G6PC1: variants seen among roughly 807,000 people sequenced by gnomAD.
G6PC1 encodes the protein G-6-Pase.
Under a neutral mutation model 30.4 loss-of-function variants are expected in G6PC1, and 23 were observed. The ratio of observed to expected loss-of-function variants is 0.76; its 90% CI spans 0.55 to 1.07. G6PC1 has a LOEUF of 1.07. Among genes scored for constraint, G6PC1 ranks in the 50% least tolerant of loss-of-function variants. The pLI, the probability that G6PC1 is intolerant of heterozygous loss-of-function variation, is 0.00. For synonymous variants in G6PC1, 163 were observed against 175.6 expected (o/e 0.93, Z 0.57); for missense variants, 391 against 433.9 (o/e 0.90, Z 0.88).
At chr17:42,905,204 C>T (rs1027390385) in intron 2 of G6PC1, among the ~76,000 whole-genome samples, 2 of 151,928 alleles carry the variant, frequency 1.3e-5, no homozygotes, top group Non-Finnish European at 2.9e-5. Context: ...GCGGGTGGAT[C>T]ACCTGAGGTG....
At chr17:42,905,449 C>T (rs535230780) in intron 2 of G6PC1, among the ~76,000 whole-genome samples, 97 of 127,648 alleles carry the variant, frequency 7.6e-4, no homozygotes, top group African/African-American at 2.6e-3. Context: ...TATATACACA[C>T]ACACACACAC....
rs1485038937 is a variant in G6PC1, at chr17:42,909,416, C to G, written c.560C>G (p.Ser187Ter). ...FPHQVVAGVLSGIAVAETFSH... is the reference protein window; with the variant it reads ...FPHQVVAGVL Reference sequence around the variant, plus strand: ...CATCAAGTTGTTGCTGGAGTCCTGTCAGGTATGGGCTGATCTGACTCCCTT... The same window carrying G: ...CATCAAGTTGTTGCTGGAGTCCTGTGAGGTATGGGCTGATCTGACTCCCTT... The change falls in exon 4 of 5, where the codon TCA becomes TGA. Residue 187 changes from serine (S) to a stop codon, truncating the protein, a stop_gained and splice_region_variant. Transcript: ENST00000253801. LOFTEE classifies it low-confidence loss of function (END_TRUNC). 6 of 1,608,924 alleles carry G rather than the reference C, an allele frequency of 3.7e-6. No homozygotes were observed. The highest frequency in any genetic ancestry group is 4.3e-6 in the Non-Finnish European group (5 of 1,175,244).
At chr17:42,904,244 G>A in intron 2 of G6PC1, 1 of 565,524 alleles carries the variant, frequency 1.8e-6, no homozygotes. Flanking sequence ...GAACCTGGAT[G>A]GAGTCCAGAG....
rs2056020801 is a variant in G6PC1, at chr17:42,900,882, G to A, written c.6G>A (p.Glu2=). M[E]EGMNVLHDFG... ...GAGGTGCCAAGGAAATGAGGATGGA[G>A]GAAGGAATGAATGTTCTCCATGACT... is the stretch of plus-strand genomic sequence containing the variant. The change falls in exon 1 of 5, where the codon GAG becomes GAA. Residue 2 remains glutamate (E), a synonymous_variant. Transcript: ENST00000253801. The A allele has an allele frequency of 1.2e-6, 2 of 1,613,510 alleles. No individual in the cohort carries two copies. Among genetic ancestry groups the A allele is most frequent in the African/African-American group, 2.7e-5 (2 of 74,910 alleles).
In G6PC1 at chr17:42,909,377, C is replaced by T; in HGVS notation, c.521C>T (p.Ala174Val). ...GTCTGTCTGTCACGAATCTACCTTG[C>T]TGCTCATTTTCCTCATCAAGTTGTT... ...LNVCLSRIYL[A>V]AHFPHQVVAG... Residue 174 changes from alanine to valine, a missense_variant, in exon 4 of 5, where the codon GCT becomes GTT. Ala to Val is a moderately conservative substitution (Grantham distance 64). Transcript: ENST00000253801. The T allele has an allele frequency of 6.2e-7, 1 of 1,614,146 alleles. No individual in the cohort carries two copies. The highest frequency in any genetic ancestry group is 8.5e-7 in the Non-Finnish European group (1 of 1,180,022).
In G6PC1 at chr17:42,911,054, C is replaced by G. The variant is rs1356828030; in HGVS notation, c.702C>G (p.Leu234=). The G allele has an allele frequency of 2.5e-6, 4 of 1,614,016 alleles. No individual in the cohort carries two copies. Among genetic ancestry groups the G allele is most frequent in the Non-Finnish European group, 3.4e-6 (4 of 1,179,998 alleles). Reference sequence around the variant, plus strand: ...TGCTCAAGGGACTGGGTGTAGACCTCCTGTGGACTCTGGAGAAAGCCCAGA... The same window carrying G: ...TGCTCAAGGGACTGGGTGTAGACCTGCTGTGGACTCTGGAGAAAGCCCAGA... ...YLLLKGLGVD[L]LWTLEKAQRW... The change falls in exon 5 of 5, where the codon CTC becomes CTG. Residue 234 remains leucine, a synonymous_variant. Transcript: ENST00000253801.
At chr17:42,909,870 T>TG (rs1316465260) in intron 4 of G6PC1, among the ~76,000 whole-genome samples, 3 of 150,116 alleles carry the variant, frequency 2.0e-5, no homozygotes, top group East Asian at 1.9e-4. Context: ...TTTTTTTTGT[T>TG]TTTTTTTTTT....
Position 42,911,170 on chromosome 17 carries a change from T to C in G6PC1, c.818T>C (p.Leu273Pro). 1 of 1,614,154 alleles carries C rather than the reference T, an allele frequency of 6.2e-7. No individual in the cohort carries two copies. Among genetic ancestry groups the C allele is most frequent in the Non-Finnish European group, 8.5e-7 (1 of 1,180,024 alleles). The stretch of plus-strand genomic sequence containing the variant: ...CTGGGCACGCTCTTTGGCCTGGGGC[T>C]GGCTCTCAACTCCAGCATGTACAGG... ...KNLGTLFGLG[L>P]ALNSSMYRES... Residue 273 changes from leucine (L) to proline (P), a missense_variant, in exon 5 of 5, where the codon CTG becomes CCG. Transcript: ENST00000253801.
At chr17:42,905,427 A>T (rs55644250) in intron 2 of G6PC1, among the ~76,000 whole-genome samples, 1,707 of 132,624 alleles carry the variant, frequency 0.013, 23 homozygotes, top group African/African-American at 0.029. Flanking sequence ...AAAAAAAAAA[A>T]AAATATATAT....
At chr17:42,903,080 A>AT (rs1260008776) in intron 1 of G6PC1, among the ~76,000 whole-genome samples, 18,987 of 126,642 alleles carry the variant, frequency 0.15, 1,696 homozygotes, top group African/African-American at 0.18. Context: ...GGATTTCAGG[A>AT]TTTTTTTTTT....
intron 3 of G6PC1, among the ~76,000 whole-genome samples, chr17:42,908,151 C>T (rs2056073275): frequency 6.6e-6 from 1 of 152,290 alleles, no homozygotes; most frequent in African/African-American, 2.4e-5. Flanking sequence ...CCACCTCAGC[C>T]ATCTGAGTAG....
At position 42,911,074 on chromosome 17, in the gene G6PC1, C is replaced by T; in HGVS notation, c.722C>T (p.Ala241Val). The change falls in exon 5 of 5, where the codon GCC (alanine) becomes GTC (valine). Residue 241 changes from alanine (A) to valine (V), a missense_variant. Ala to Val is a moderately conservative substitution (Grantham distance 64). Transcript: ENST00000253801. ...GVDLLWTLEK[A>V]QRWCEQPEWV... ...GACCTCCTGTGGACTCTGGAGAAAG[C>T]CCAGAGGTGGTGCGAGCAGCCAGAA... 1 of 1,613,032 alleles carries T rather than the reference C, an allele frequency of 6.2e-7. No homozygotes were observed. Among genetic ancestry groups the T allele is most frequent in the Non-Finnish European group, 8.5e-7 (1 of 1,179,680 alleles).
At chr17:42,903,168 G>A (rs186396362) in intron 1 of G6PC1, among the ~76,000 whole-genome samples, 395 of 144,758 alleles carry the variant, frequency 2.7e-3, no homozygotes, top group Non-Finnish European at 4.8e-3. Flanking sequence ...GGCAACCTCC[G>A]CCTCCCAGGT....
At chr17:42,910,180 C>T (rs1299662173) in intron 4 of G6PC1, among the ~76,000 whole-genome samples, 2 of 152,046 alleles carry the variant, frequency 1.3e-5, no homozygotes, top group Non-Finnish European at 2.9e-5. Flanking sequence ...ATCCAATTAA[C>T]AAGGGTAAGA....
intron 4 of G6PC1, 64 bp downstream of exon 4, chr17:42,909,482 G>T: frequency 8.3e-7 from 1 of 1,198,990 alleles, no homozygotes; most frequent in Non-Finnish European, 1.2e-6. Context: ...TCCCTAATCA[G>T]GACAAAATCC....
chr17:42,901,914 G>C (rs1055396880), intron 1 of G6PC1, among the ~76,000 whole-genome samples: 6 of 152,132 alleles, frequency 3.9e-5, no homozygotes, highest in African/African-American at 1.4e-4. Flanking sequence ...ATCTCTGGCA[G>C]CTTAATAATA....
Position 42,911,444 on chromosome 17 carries a change from G to T in G6PC1, c.*18G>T, listed in dbSNP as rs1241099625. 14 of 1,614,096 alleles carry T rather than the reference G, an allele frequency of 8.7e-6. No homozygotes were observed. The East Asian group carries it at 3.1e-4, about 36-fold the overall frequency. On this transcript the variant is annotated 3_prime_UTR_variant, in exon 5 of 5. Coordinates refer to ENST00000253801, the MANE Select transcript of G6PC1 (RefSeq NM_000151.4). ...CGTTGTAAGAGATGTGGAGTCTTCGGTGTTTAAAGTCAACAACCATGCCAG... is the reference window on the plus strand; with the variant it reads ...CGTTGTAAGAGATGTGGAGTCTTCGTTGTTTAAAGTCAACAACCATGCCAG...
chr17:42,913,983 T>C lies in G6PC1; in HGVS notation c.*2557T>C, dbSNP rs1369712460. ...GCTATTTCACACCTGAACTCCGGAG[T>C]CTGTATATTCAGGGAAGATTGCATT... On this transcript the variant is annotated 3_prime_UTR_variant, in exon 5 of 5. Coordinates refer to ENST00000253801, the MANE Select transcript of G6PC1 (RefSeq NM_000151.4). Among the ~76,000 whole-genome samples the C allele has an allele frequency of 2.0e-5, 3 of 151,976 alleles. No individual in the cohort carries two copies. The highest frequency in any genetic ancestry group is 7.3e-5 in the African/African-American group (3 of 41,360).
rs1001624548 is a variant in G6PC1 at position 42,913,034 on chromosome 17, C to G, written c.*1608C>G. On this transcript the variant is annotated 3_prime_UTR_variant, in exon 5 of 5. Transcript: ENST00000253801. ...GCCAGGCTGGTCTCGAACTCCTGAC[C>G]TCAAGTGATCCACCTGCCTTGGCCT... 6.6e-6 allele frequency: 1 copy of G among 152,028 alleles called. No individual in the cohort carries two copies. Among genetic ancestry groups the G allele is most frequent in the Non-Finnish European group, 1.5e-5 (1 of 68,044 alleles). The allele number at this position is 152,028 out of a possible 1,614,324, so 9.4% of individuals were successfully genotyped here. A position where few individuals can be genotyped will look rare whatever the true frequency, so the allele number is the denominator to read the frequency against.
Sources: gnomAD v4.1 joint callset for allele counts (sites outside exome capture counted in the v4.1 genomes callset) on GRCh38, gnomAD v4.1.1 for gene constraint, MANE v1.5 for transcripts, NCBI Gene and HGNC (gene_info 2026-07-23, HGNC 2026-07-21) for gene names.